The following HACD2 variants were observed in gnomAD, a reference collection of about 807,000 sequenced individuals.
The protein encoded by HACD2 is 3-hydroxyacyl-CoA dehydratase 2, also known as very-long-chain (3R)-3-hydroxyacyl-CoA dehydratase 2.
A neutral mutation model predicts 31.0 loss-of-function variants in HACD2; 15 were observed. That is an observed-to-expected ratio of 0.48 (90% CI 0.32 to 0.75). The LOEUF is 0.75. Among genes scored for constraint, HACD2 ranks in the 30% least tolerant of loss-of-function variants. The pLI is 0.03. For synonymous variants in HACD2, 115 were observed against 122.2 expected, an observed-to-expected ratio of 0.94 and a Z score of 0.39; for missense variants, 283 against 313.0, an observed-to-expected ratio of 0.90 and a Z score of 0.72.
intron 3 of HACD2, among the ~76,000 whole-genome samples, chr3:123,546,271 A>T (rs1164849960): frequency 6.6e-6 from 1 of 152,168 alleles, no homozygotes; most frequent in African/African-American, 2.4e-5. Flanking sequence ...TGCCAAGTGG[A>T]TGGACTCATG....
chr3:123,497,353 CTG>C (rs1358907358), intron 6 of HACD2, among the ~76,000 whole-genome samples: 2 of 152,288 alleles, frequency 1.3e-5, no homozygotes, highest in East Asian at 3.9e-4. Flanking sequence ...GTGACAGTCC[CTG>C]TGTGTTGGGG....
intron 2 of HACD2, among the ~76,000 whole-genome samples, chr3:123,577,569 C>A (rs1246441721): frequency 1.4e-5 from 2 of 148,008 alleles, no homozygotes; most frequent in Non-Finnish European, 3.0e-5. Flanking sequence ...TGCAGTGAGC[C>A]GAGATCGCGC....
chr3:123,505,639 A>G (rs2055965357), intron 4 of HACD2, among the ~76,000 whole-genome samples: 1 of 152,220 alleles, frequency 6.6e-6, no homozygotes, highest in Non-Finnish European at 1.5e-5. Flanking sequence ...ACAACACTCC[A>G]GGATTCAGCC....
intron 4 of HACD2, among the ~76,000 whole-genome samples, chr3:123,520,318 C>T (rs968211343): frequency 2.0e-5 from 3 of 152,166 alleles, no homozygotes; most frequent in African/African-American, 7.2e-5. Context: ...CATTCACATA[C>T]ACATAAGATA....
At chr3:123,540,475 C>T (rs543218539) in intron 3 of HACD2, among the ~76,000 whole-genome samples, 1 of 152,272 alleles carries the variant, frequency 6.6e-6, no homozygotes, top group South Asian at 2.1e-4. Flanking sequence ...ATAAATGACA[C>T]ATATTTCCTT....
intron 6 of HACD2, 116 bp from the exon 7 acceptor site, chr3:123,495,086 C>A: frequency 1.5e-6 from 1 of 661,642 alleles, no homozygotes; most frequent in Non-Finnish European, 2.6e-6. Flanking sequence ...ATCCAGCAAC[C>A]AAGGAAGGTA....
At chr3:123,509,147 T>G (rs1413181119) in intron 4 of HACD2, among the ~76,000 whole-genome samples, 1 of 152,154 alleles carries the variant, frequency 6.6e-6, no homozygotes, top group Non-Finnish European at 1.5e-5. Flanking sequence ...CAAGGCTAGT[T>G]AGTAAATAAT....
chr3:123,579,729 T>C (rs1337171966), intron 2 of HACD2, among the ~76,000 whole-genome samples: 7 of 152,176 alleles, frequency 4.6e-5, no homozygotes, highest in Admixed American at 3.9e-4. Context: ...GACTCCAAAT[T>C]TGCTTCTCTG....
chr3:123,567,502 A>G (rs1191288576), intron 3 of HACD2, among the ~76,000 whole-genome samples: 4 of 152,184 alleles, frequency 2.6e-5, no homozygotes, highest in Non-Finnish European at 5.9e-5. Flanking sequence ...TTACCCTTAC[A>G]CTGAGAAGGT....
chr3:123,494,965 GAAAA>G lies in HACD2; in HGVS notation c.684_687del (p.Phe229ProfsTer7). On this transcript the variant is annotated frameshift_variant and splice_region_variant, in exon 7 of 7. Coordinates refer to ENST00000383657, the MANE Select transcript of HACD2 (RefSeq NM_198402.5). LOFTEE classifies it high-confidence loss of function. ...TGTATCATGTGGAAGTATAACTGGG[GAAAA>G]ACTGAAAAGAAAAGAAAAATTGGTT... is the stretch of plus-strand genomic sequence containing the variant. The G allele has an allele frequency of 6.5e-7, 1 of 1,548,798 alleles. No homozygotes were observed. The highest frequency in any genetic ancestry group is 8.7e-7 in the Non-Finnish European group (1 of 1,143,352).
intron 3 of HACD2, among the ~76,000 whole-genome samples, chr3:123,538,081 C>T (rs1439425449): frequency 6.6e-6 from 1 of 152,178 alleles, no homozygotes; most frequent in African/African-American, 2.4e-5. Flanking sequence ...GATTCAAACA[C>T]CATGGGACTC....
intron 3 of HACD2, among the ~76,000 whole-genome samples, chr3:123,560,997 C>T (rs973283007): frequency 6.6e-6 from 1 of 152,158 alleles, no homozygotes; most frequent in African/African-American, 2.4e-5. Flanking sequence ...GGTTCTGTGT[C>T]TGGTTTTAAA....
At chr3:123,582,634 C>T (rs1189528943) in intron 1 of HACD2, among the ~76,000 whole-genome samples, 1 of 152,094 alleles carries the variant, frequency 6.6e-6, no homozygotes, top group Admixed American at 6.5e-5. Flanking sequence ...TAAAATGGTC[C>T]TTGTGCCACT....
At chr3:123,550,097 C>T (rs2056602398) in intron 3 of HACD2, among the ~76,000 whole-genome samples, 1 of 152,116 alleles carries the variant, frequency 6.6e-6, no homozygotes, top group Non-Finnish European at 1.5e-5. Flanking sequence ...TTAATTGAGG[C>T]CAGGGGTTCT....
intron 4 of HACD2, among the ~76,000 whole-genome samples, chr3:123,527,901 G>A (rs1394310550): frequency 6.6e-6 from 1 of 152,176 alleles, no homozygotes; most frequent in Non-Finnish European, 1.5e-5. Context: ...GCTGTTTCTG[G>A]TATCCAGTGG....
At chr3:123,571,318 T>C (rs891003120) in intron 2 of HACD2, among the ~76,000 whole-genome samples, 3 of 152,100 alleles carry the variant, frequency 2.0e-5, no homozygotes, top group Non-Finnish European at 2.9e-5. Flanking sequence ...GGTACTGCAG[T>C]GTAGGGATTT....
chr3:123,561,907 G>A (rs978602012), intron 3 of HACD2, among the ~76,000 whole-genome samples: 1 of 152,110 alleles, frequency 6.6e-6, no homozygotes, highest in Non-Finnish European at 1.5e-5. Flanking sequence ...CGCCTCCTGG[G>A]TTCAAGTGAT....
intron 4 of HACD2, among the ~76,000 whole-genome samples, chr3:123,509,665 AT>A (rs1167218131): frequency 6.6e-6 from 1 of 151,560 alleles, no homozygotes; most frequent in Non-Finnish European, 1.5e-5. Flanking sequence ...TGCCTGGCTA[AT>A]TTTTTTGTAT....
At chr3:123,555,621 G>A in intron 3 of HACD2, among the ~76,000 whole-genome samples, 1 of 152,188 alleles carries the variant, frequency 6.6e-6, no homozygotes, top group East Asian at 1.9e-4. Context: ...TCTGTGGATT[G>A]AAAGAGTCAA....
Sources: allele counts gnomAD v4.1 joint callset (sites outside exome capture counted in the v4.1 genomes callset), GRCh38; gene constraint gnomAD v4.1.1; transcripts MANE v1.5; gene names NCBI Gene and HGNC (gene_info 2026-07-23, HGNC 2026-07-21).